Variants in PABPC4L observed in about 807,000 individuals in gnomAD.
The protein encoded by PABPC4L is poly(A) binding protein cytoplasmic 4 like.
For synonymous variants in PABPC4L, 169 were observed against 164.1 expected (o/e 1.03, Z -0.23); for missense variants, 452 against 451.4 (o/e 1.00, Z -0.01).
the PABPC4L span, among the ~76,000 whole-genome samples, chr4:134,016,202 C>T: frequency 6.6e-6 from 1 of 152,120 alleles, no homozygotes; most frequent in African/African-American, 2.4e-5. Context: ...CTGCTCTGTC[C>T]CCCTCCACTA....
the PABPC4L span, among the ~76,000 whole-genome samples, chr4:134,142,943 G>A: frequency 1.3e-5 from 2 of 151,516 alleles, no homozygotes; most frequent in Non-Finnish European, 3.0e-5. Context: ...TTGTGGAGCC[G>A]TGGATATGGG....
At chr4:134,100,297 T>C in the PABPC4L span, among the ~76,000 whole-genome samples, 1 of 151,730 alleles carries the variant, frequency 6.6e-6, no homozygotes, top group African/African-American at 2.4e-5. Flanking sequence ...GCTGCACCTT[T>C]TTTGTAAATT....
At chr4:134,053,881 A>G in the PABPC4L span, among the ~76,000 whole-genome samples, 2 of 151,998 alleles carry the variant, frequency 1.3e-5, no homozygotes, top group African/African-American at 2.4e-5. Flanking sequence ...CTAAGCATCT[A>G]TATAAGAGGT....
chr4:134,141,468 GT>G, the PABPC4L span, among the ~76,000 whole-genome samples: 1 of 149,674 alleles, frequency 6.7e-6, no homozygotes, highest in Non-Finnish European at 1.5e-5. Context: ...CTATATATAT[GT>G]AAAATACATA....
chr4:134,177,186 C>CTTTT, the PABPC4L span, among the ~76,000 whole-genome samples: 7 of 24,588 alleles, frequency 2.8e-4, no homozygotes, highest in African/African-American at 4.7e-4. Context: ...CTTTTCTTTT[C>CTTTT]TTTTTTTTTT....
chr4:133,992,266 G>C, the PABPC4L span, among the ~76,000 whole-genome samples: 1 of 152,198 alleles, frequency 6.6e-6, no homozygotes, highest in Admixed American at 6.5e-5. Context: ...CTTCTCCCCT[G>C]TGGTAGACCT....
chr4:134,136,521 G>GT, the PABPC4L span, among the ~76,000 whole-genome samples: 1 of 151,858 alleles, frequency 6.6e-6, no homozygotes, highest in Non-Finnish European at 1.5e-5. Context: ...TTTTGTTAGA[G>GT]TTTTTAACAA....
At chr4:133,998,653 C>T in the PABPC4L span, among the ~76,000 whole-genome samples, 1 of 151,730 alleles carries the variant, frequency 6.6e-6, no homozygotes, top group Non-Finnish European at 1.5e-5. Context: ...TTTTTAACTA[C>T]ACATTCAAAT....
the PABPC4L span, among the ~76,000 whole-genome samples, chr4:134,068,853 G>A: frequency 1.3e-5 from 2 of 151,682 alleles, no homozygotes; most frequent in African/African-American, 4.8e-5. Flanking sequence ...GGACTACAGG[G>A]ATGCACCACC....
chr4:134,081,185 A>G, the PABPC4L span, among the ~76,000 whole-genome samples: 1 of 152,194 alleles, frequency 6.6e-6, no homozygotes, highest in Non-Finnish European at 1.5e-5. Context: ...AGTCTTCATT[A>G]AAACTCAATC....
At chr4:134,192,091 C>G (rs994695856), downstream of PABPC4L, among the ~76,000 whole-genome samples, 13 of 152,012 alleles carry the variant, frequency 8.6e-5, no homozygotes, top group African/African-American at 3.1e-4. Flanking sequence ...CAGTAGTATT[C>G]ATTACAGCCA....
the PABPC4L span, among the ~76,000 whole-genome samples, chr4:133,989,907 C>T: frequency 9.2e-4 from 140 of 152,248 alleles, no homozygotes; most frequent in African/African-American, 3.2e-3. Context: ...GCAAACACTT[C>T]CTCCTTCACA....
At chr4:134,037,980 A>C in the PABPC4L span, among the ~76,000 whole-genome samples, 1 of 152,062 alleles carries the variant, frequency 6.6e-6, no homozygotes, top group Admixed American at 6.6e-5. Flanking sequence ...AGCTCTTATT[A>C]TTTTGAGATA....
the PABPC4L span, among the ~76,000 whole-genome samples, chr4:133,971,182 G>C: frequency 6.8e-6 from 1 of 146,388 alleles, no homozygotes. Flanking sequence ...GAACAATCTC[G>C]GCTCACTGCA....
the PABPC4L span, among the ~76,000 whole-genome samples, chr4:133,984,756 T>C: frequency 6.6e-6 from 1 of 151,896 alleles, no homozygotes; most frequent in Non-Finnish European, 1.5e-5. Flanking sequence ...GATTTCTTTT[T>C]ACACCCCATA....
chr4:134,102,021 A>G, the PABPC4L span, among the ~76,000 whole-genome samples: 1 of 151,540 alleles, frequency 6.6e-6, no homozygotes, highest in Non-Finnish European at 1.5e-5. Flanking sequence ...ATTCTTGTCC[A>G]ATATGATTCA....
chr4:133,953,978 C>A, the PABPC4L span, among the ~76,000 whole-genome samples: 45 of 152,236 alleles, frequency 3.0e-4, no homozygotes, highest in Admixed American at 2.2e-3. Context: ...GTTAAAGGCA[C>A]ACTCACAAAT....
chr4:134,184,614 G>GT, the PABPC4L span, among the ~76,000 whole-genome samples: 1 of 151,940 alleles, frequency 6.6e-6, no homozygotes, highest in Admixed American at 6.6e-5. Flanking sequence ...CTGTGTGCAT[G>GT]TATCACCACA....
At chr4:134,015,587 G>T in the PABPC4L span, among the ~76,000 whole-genome samples, 1 of 152,054 alleles carries the variant, frequency 6.6e-6, no homozygotes, top group Non-Finnish European at 1.5e-5. Context: ...ATCCTCATCT[G>T]TTACCTATCT....
Sources: allele counts gnomAD v4.1 joint callset (sites outside exome capture counted in the v4.1 genomes callset), GRCh38; gene constraint gnomAD v4.1.1; transcripts MANE v1.5; gene names NCBI Gene and HGNC (gene_info 2026-07-23, HGNC 2026-07-21).